Variants in OTOGL observed in about 807,000 individuals in gnomAD.
OTOGL encodes otogelin-like protein.
In OTOGL, 285 loss-of-function variants were observed where a neutral mutation model predicts 318.5. That is an observed-to-expected ratio of 0.89 (90% CI 0.81 to 0.99). The LOEUF is 0.99. OTOGL is among the 50% of genes least tolerant of loss of function. OTOGL has a pLI of 0.00. For synonymous variants in OTOGL, 987 were observed against 936.5 expected (o/e 1.05, Z -0.99); for missense variants, 2,899 against 2,845.6 (o/e 1.02, Z -0.43).
chr12:80,199,448 T>C (rs546458095), intron 1 of OTOGL, among the ~76,000 whole-genome samples: 1 of 152,342 alleles, frequency 6.6e-6, no homozygotes, highest in East Asian at 1.9e-4. Context: ...TTTATCATGA[T>C]TTTAATGTTG....
intron 1 of OTOGL, among the ~76,000 whole-genome samples, chr12:80,171,814 A>G (rs1874223150): frequency 6.6e-6 from 1 of 152,112 alleles, no homozygotes; most frequent in Non-Finnish European, 1.5e-5. Context: ...AATTTTATAG[A>G]TCTTTTCAAC....
chr12:80,234,348 A>AT (rs2137411256), intron 9 of OTOGL, among the ~76,000 whole-genome samples: 1 of 152,266 alleles, frequency 6.6e-6, no homozygotes, highest in East Asian at 1.9e-4. Context: ...TGTTTGAGTA[A>AT]TTGCCATTGA....
chr12:80,142,873 T>G (rs964418148), intron 1 of OTOGL, among the ~76,000 whole-genome samples: 4 of 151,986 alleles, frequency 2.6e-5, no homozygotes, highest in African/African-American at 9.7e-5. Flanking sequence ...ACAGCAGGGG[T>G]GGCAGAAGAG....
chr12:80,328,191 T>C (rs539755900), intron 35 of OTOGL, among the ~76,000 whole-genome samples: 20 of 151,790 alleles, frequency 1.3e-4, no homozygotes, highest in Non-Finnish European at 7.4e-5. Flanking sequence ...TGATGACACA[T>C]GCCTGTAGTC....
intron 1 of OTOGL, among the ~76,000 whole-genome samples, chr12:80,174,515 G>A (rs115646377): frequency 5.9e-5 from 9 of 152,282 alleles, no homozygotes; most frequent in African/African-American, 2.2e-4. Flanking sequence ...GATGGAACTA[G>A]TTTAGAGAGT....
At chr12:80,375,477 GT>G (rs1566025544) in intron 57 of OTOGL, among the ~76,000 whole-genome samples, 1 of 152,178 alleles carries the variant, frequency 6.6e-6, no homozygotes. Context: ...ATTCTAATAT[GT>G]CATTTAGTGA....
At chr12:80,360,497 CCTTT>C (rs1015450676) in intron 52 of OTOGL, among the ~76,000 whole-genome samples, 1 of 146,734 alleles carries the variant, frequency 6.8e-6, no homozygotes, top group African/African-American at 2.5e-5. Context: ...CTCTCACTCT[CCTTT>C]CTTTCTTGTC....
In OTOGL at chr12:80,295,157, C is replaced by CTTT. The variant is rs66786755; in HGVS notation, c.2929-1643_2929-1641dup. Among the ~76,000 whole-genome samples, 366 of 98,902 alleles carry CTTT rather than the reference C, an allele frequency of 3.7e-3. 25 individuals carry two copies. The highest frequency in any genetic ancestry group is 0.014 in the African/African-American group (298 of 20,604). 64.9% of individuals were successfully genotyped at this position (98,902 alleles called of 152,430 possible). ...AAACACAAACTGTATGATTGCCGAA[C>CTTT]TTTTTTTTTTTTTTTTTTTTTTTTT... On this transcript the variant is annotated intron_variant, in intron 26 of 58. Coordinates refer to ENST00000547103, the MANE Select transcript of OTOGL (RefSeq NM_001378609.3).
chr12:80,296,999 T>G, intron 27 of OTOGL, 38 bp downstream of exon 27: 1 of 1,437,324 alleles, frequency 7.0e-7, no homozygotes, highest in Non-Finnish European at 9.3e-7. Context: ...TTTGAACTTG[T>G]CCTGAGGATA....
intron 5 of OTOGL, among the ~76,000 whole-genome samples, chr12:80,218,741 G>T (rs1877977433): frequency 6.7e-6 from 1 of 149,596 alleles, no homozygotes; most frequent in African/African-American, 2.5e-5. Flanking sequence ...CAGTGACTTT[G>T]GCTTCTGCTT....
At chr12:80,345,239 A>AT (rs968702009) in intron 44 of OTOGL, among the ~76,000 whole-genome samples, 4 of 136,472 alleles carry the variant, frequency 2.9e-5, no homozygotes, top group Non-Finnish European at 6.2e-5. Context: ...ATATATATAT[A>AT]TTTTTTTGAA....
chr12:80,112,060 G>A (rs868175827), intron 1 of OTOGL, among the ~76,000 whole-genome samples: 3 of 152,104 alleles, frequency 2.0e-5, no homozygotes, highest in Non-Finnish European at 2.9e-5. Context: ...TCTATAATTG[G>A]TGTATAGGAA....
intron 24 of OTOGL, among the ~76,000 whole-genome samples, chr12:80,277,935 A>C (rs1462606504): frequency 6.6e-6 from 1 of 151,468 alleles, no homozygotes; most frequent in Non-Finnish European, 1.5e-5. Context: ...AATAGCAAAA[A>C]GGTCAACATA....
intron 1 of OTOGL, among the ~76,000 whole-genome samples, chr12:80,162,552 G>A (rs1289374567): frequency 6.6e-6 from 1 of 152,052 alleles, no homozygotes; most frequent in Non-Finnish European, 1.5e-5. Flanking sequence ...TGTCAGCAGG[G>A]TGGGTTCCTT....
intron 1 of OTOGL, among the ~76,000 whole-genome samples, chr12:80,188,717 G>T (rs897311675): frequency 6.6e-6 from 1 of 151,994 alleles, no homozygotes; most frequent in Non-Finnish European, 1.5e-5. Flanking sequence ...TTTGCAAGCA[G>T]CACCTCACTA....
chr12:80,206,468 A>G (rs998141389), intron 1 of OTOGL, among the ~76,000 whole-genome samples: 1 of 152,128 alleles, frequency 6.6e-6, no homozygotes, highest in East Asian at 1.9e-4. Flanking sequence ...CTCTATCTAT[A>G]AAATAGTAAC....
At chr12:80,348,858 T>C (rs1889367136) in intron 44 of OTOGL, among the ~76,000 whole-genome samples, 1 of 152,206 alleles carries the variant, frequency 6.6e-6, no homozygotes, top group Non-Finnish European at 1.5e-5. Flanking sequence ...AATACTTTTT[T>C]CTTTCAATCC....
intron 1 of OTOGL, among the ~76,000 whole-genome samples, chr12:80,153,539 T>G (rs916312395): frequency 2.0e-5 from 3 of 152,208 alleles, no homozygotes; most frequent in African/African-American, 7.2e-5. Context: ...CTGATGAACC[T>G]ACATTGACAC....
intron 53 of OTOGL, 66 bp downstream of exon 53, chr12:80,366,703 T>C: frequency 1.6e-6 from 1 of 610,422 alleles, no homozygotes; most frequent in Non-Finnish European, 2.4e-6. Context: ...TTTTCACTAT[T>C]AATAAGTTAA....
Sources: gnomAD v4.1 joint callset for allele counts (sites outside exome capture counted in the v4.1 genomes callset) on GRCh38, gnomAD v4.1.1 for gene constraint, MANE v1.5 for transcripts, NCBI Gene and HGNC (gene_info 2026-07-23, HGNC 2026-07-21) for gene names.